The following ORC3 variants were observed in gnomAD, a reference collection of about 807,000 sequenced individuals.
ORC3 encodes the protein homolog of latheo, Drosophila.
ORC3 carries 78 observed loss-of-function variants against 100.7 expected under a neutral mutation model. The ratio of observed to expected loss-of-function variants is 0.77; its 90% CI spans 0.65 to 0.94. The LOEUF is 0.94. ORC3 is among the 40% of genes least tolerant of loss of function. The pLI, the probability that ORC3 is intolerant of heterozygous loss-of-function variation, is 0.00. For missense variants in ORC3, 789 were observed against 823.9 expected, an observed-to-expected ratio of 0.96 and a Z score of 0.52; for synonymous variants, 295 against 289.3, an observed-to-expected ratio of 1.02 and a Z score of -0.20.
chr6:87,673,877 C>T, the ORC3 span, among the ~76,000 whole-genome samples: 2 of 151,640 alleles, frequency 1.3e-5, no homozygotes, highest in Admixed American at 1.3e-4. Flanking sequence ...TAGAATCATG[C>T]ACCTTATTGC....
At chr6:87,653,002 A>G in intron 13 of ORC3, 114 bp from the exon 14 acceptor site, 1 of 799,382 alleles carries the variant, frequency 1.3e-6, no homozygotes, top group Non-Finnish European at 1.8e-6. Context: ...GCTACTAATG[A>G]AGAATTTCTT....
intron 11 of ORC3, among the ~76,000 whole-genome samples, chr6:87,626,580 G>A (rs1779913557): frequency 1.3e-5 from 2 of 152,156 alleles, no homozygotes; most frequent in African/African-American, 4.8e-5. Flanking sequence ...GAGGCCAGGA[G>A]TTTGAGACCA....
chr6:87,613,536 A>G (rs931377618), intron 8 of ORC3, among the ~76,000 whole-genome samples: 1 of 152,126 alleles, frequency 6.6e-6, no homozygotes, highest in Non-Finnish European at 1.5e-5. Context: ...GCATTAACTC[A>G]ATAGTCCACA....
At chr6:87,635,482 A>G (rs1767743975) in intron 12 of ORC3, among the ~76,000 whole-genome samples, 1 of 152,176 alleles carries the variant, frequency 6.6e-6, no homozygotes, top group Non-Finnish European at 1.5e-5. Flanking sequence ...AAAGCTTTGG[A>G]GAACAAATAC....
intron 13 of ORC3, among the ~76,000 whole-genome samples, chr6:87,649,519 G>A (rs1398941945): frequency 1.3e-5 from 2 of 152,130 alleles, no homozygotes; most frequent in African/African-American, 2.4e-5. Context: ...AGGCCGAGGC[G>A]GGCAGATCAC....
chr6:87,665,368 A>G (rs2128296679), intron 18 of ORC3, among the ~76,000 whole-genome samples: 1 of 152,342 alleles, frequency 6.6e-6, no homozygotes, highest in African/African-American at 2.4e-5. Flanking sequence ...ATAGTATTAC[A>G]AAGATCTTAA....
chr6:87,658,105 G>C, intron 16 of ORC3, 87 bp downstream of exon 16: 1 of 692,822 alleles, frequency 1.4e-6, no homozygotes. Flanking sequence ...AGCCAATCCA[G>C]AACATTTTTC....
At chr6:87,656,523 G>T (rs1171788852) in intron 14 of ORC3, among the ~76,000 whole-genome samples, 1 of 152,076 alleles carries the variant, frequency 6.6e-6, no homozygotes, top group Non-Finnish European at 1.5e-5. Flanking sequence ...GGAGGAGGAG[G>T]TTGCAGTGAG....
At chr6:87,658,076 T>G (rs1481770543) in intron 16 of ORC3, 58 bp downstream of exon 16, 4 of 903,944 alleles carry the variant, frequency 4.4e-6, no homozygotes, top group Non-Finnish European at 7.3e-6. Context: ...CAAATAACAC[T>G]GGTGTCATAG....
chr6:87,601,995 C>CCTTA, intron 3 of ORC3, 114 bp downstream of exon 3: 1 of 683,466 alleles, frequency 1.5e-6, no homozygotes, highest in Non-Finnish European at 2.6e-6. Context: ...AAGTATTGGT[C>CCTTA]AAGCATAGCC....
chr6:87,655,207 C>T (rs185419630), intron 14 of ORC3, among the ~76,000 whole-genome samples: 1 of 152,150 alleles, frequency 6.6e-6, no homozygotes, highest in East Asian at 1.9e-4. Flanking sequence ...TTTTTTGAGA[C>T]AGGATCTTGC....
At chr6:87,623,580 A>G (rs929035042) in intron 11 of ORC3, among the ~76,000 whole-genome samples, 3 of 152,158 alleles carry the variant, frequency 2.0e-5, no homozygotes, top group African/African-American at 7.2e-5. Flanking sequence ...AGGCTAGTGT[A>G]TTATAGAAAT....
intron 19 of ORC3, among the ~76,000 whole-genome samples, chr6:87,666,714 C>G (rs1224233687): frequency 6.6e-6 from 1 of 151,990 alleles, no homozygotes; most frequent in Non-Finnish European, 1.5e-5. Context: ...GCTGGGATTA[C>G]AGGTGTGAGC....
rs1446403149 is a variant in ORC3, at chr6:87,664,723, A to C, written c.1834-20A>C. Reference sequence around the variant, plus strand: ...ATAATTTATAAAAGTTAGTCATCTTAGTTTACTGTTAATTGTTAGAATGAA... The same window carrying C: ...ATAATTTATAAAAGTTAGTCATCTTCGTTTACTGTTAATTGTTAGAATGAA... On this transcript the variant is annotated intron_variant, in intron 17 of 19. Coordinates refer to ENST00000392844, the MANE Select transcript of ORC3 (RefSeq NM_012381.4). The C allele has an allele frequency of 1.8e-5, 29 of 1,576,750 alleles. No homozygotes were observed. The highest frequency in any genetic ancestry group is 2.4e-5 in the Non-Finnish European group (28 of 1,146,042).
At chr6:87,659,822 C>A (rs1054294121) in intron 16 of ORC3, among the ~76,000 whole-genome samples, 1 of 151,508 alleles carries the variant, frequency 6.6e-6, no homozygotes, top group South Asian at 2.1e-4. Flanking sequence ...GCAGAGGTTG[C>A]AGTGAGCTGA....
At chr6:87,669,834 G>C (rs1770793770), downstream of ORC3, among the ~76,000 whole-genome samples, 1 of 152,178 alleles carries the variant, frequency 6.6e-6, no homozygotes, top group African/African-American at 2.4e-5. Flanking sequence ...AACAGGGAAG[G>C]TCTTCCAATA....
intron 12 of ORC3, among the ~76,000 whole-genome samples, chr6:87,635,253 A>C (rs1431823400): frequency 1.3e-5 from 2 of 152,194 alleles, no homozygotes; most frequent in African/African-American, 4.8e-5. Flanking sequence ...TGTCACCTGT[A>C]CTGAGAGAGC....
At chr6:87,644,824 G>A (rs1264446835) in intron 13 of ORC3, among the ~76,000 whole-genome samples, 4 of 152,016 alleles carry the variant, frequency 2.6e-5, no homozygotes, top group Admixed American at 1.3e-4. Context: ...ACTCTAGGCT[G>A]GGTGACAAAG....
chr6:87,617,594 C>T lies in ORC3; in HGVS notation c.987+1167C>T, dbSNP rs185314919. On this transcript the variant is annotated intron_variant, in intron 9 of 19. Transcript: ENST00000392844. ...TATTAAAAATAAAAAATAAGCCAGGCGTGGTGGCTTATTTATAGAGTCCCA... is the reference window on the plus strand; with the variant it reads ...TATTAAAAATAAAAAATAAGCCAGGTGTGGTGGCTTATTTATAGAGTCCCA... 1.3e-3 allele frequency among the ~76,000 whole-genome samples: 197 copies of T among 151,970 alleles called. 1 individual carries two copies. Among genetic ancestry groups the T allele is most frequent in the Non-Finnish European group, 1.8e-3 (119 of 67,982 alleles).
Sources: allele counts gnomAD v4.1 joint callset (sites outside exome capture counted in the v4.1 genomes callset), GRCh38; gene constraint gnomAD v4.1.1; transcripts MANE v1.5; gene names NCBI Gene and HGNC (gene_info 2026-07-23, HGNC 2026-07-21).